Variants in CLASP1 observed in about 807,000 individuals in gnomAD.
CLASP1 encodes the protein CLIP-associating protein 1.
Under a neutral mutation model 192.3 loss-of-function variants are expected in CLASP1, and 38 were observed. The observed-to-expected ratio is 0.20, with a 90% CI of 0.15 to 0.26. The LOEUF (loss-of-function observed/expected upper bound fraction) is 0.26. Ranked by LOEUF, CLASP1 falls within the 10% of genes least tolerant of loss-of-function variation. The probability of loss-of-function intolerance (pLI) is 1.00; values close to 1 mark genes in which losing one functional copy is unlikely to be tolerated. For missense variants in CLASP1, 1,433 were observed against 1,932.5 expected (o/e 0.74, Z 4.85); for synonymous variants, 691 against 712.8 (o/e 0.97, Z 0.49).
intron 1 of CLASP1, among the ~76,000 whole-genome samples, chr2:121,609,014 A>G (rs2064834363): frequency 6.6e-6 from 1 of 152,250 alleles, no homozygotes; most frequent in African/African-American, 2.4e-5. Context: ...AAATTAAGAA[A>G]TTGAGGTAAA....
intron 7 of CLASP1, among the ~76,000 whole-genome samples, chr2:121,514,529 A>G (rs1439996082): frequency 6.6e-5 from 10 of 152,216 alleles, no homozygotes; most frequent in African/African-American, 2.4e-4. Context: ...AAAACAAAAA[A>G]AACTATTATC....
chr2:121,515,497 G>A (rs6711921), intron 7 of CLASP1, among the ~76,000 whole-genome samples, 168 bp downstream of exon 7: 32,014 of 151,796 alleles, frequency 0.21, 6,429 homozygotes, highest in African/African-American at 0.53. Flanking sequence ...GAATGGGAGC[G>A]GACCCCTGAT....
rs141163038 is a variant in CLASP1 at position 121,402,657 on chromosome 2, C to G, written c.2734-787G>C. ...TTATCCTCACATTCTGCTTCTGAAT[C>G]AGCAATCTAGGGGTGACAGGTAACA... is the stretch of plus-strand genomic sequence containing the variant. On this transcript the variant is annotated intron_variant, in intron 26 of 39. Coordinates refer to ENST00000263710, the Ensembl canonical transcript of CLASP1. The G allele has an allele frequency of 4.0e-5, 21 of 519,006 alleles. No homozygotes were observed. The East Asian group carries it at 1.1e-3, about 28-fold the overall frequency. 32.2% of individuals were successfully genotyped at this position (519,006 alleles called of 1,614,324 possible). A position where few individuals can be genotyped will look rare whatever the true frequency, so the allele number is the denominator to read the frequency against.
intron 26 of CLASP1, chr2:121,403,583 TCTATC>T (rs2076451452): frequency 1.8e-5 from 8 of 442,976 alleles, no homozygotes; most frequent in Non-Finnish European, 3.6e-5. Flanking sequence ...CATTTAAGGT[TCTATC>T]CATTTCCACA....
chr2:121,478,998 A>C, intron 8 of CLASP1, among the ~76,000 whole-genome samples: 1 of 67,910 alleles, frequency 1.5e-5, no homozygotes, highest in South Asian at 5.2e-4. Flanking sequence ...CACCCCACAC[A>C]CACACCACAC....
chr2:121,486,474 C>T (rs929595531), intron 8 of CLASP1, among the ~76,000 whole-genome samples: 3 of 152,064 alleles, frequency 2.0e-5, no homozygotes, highest in Non-Finnish European at 4.4e-5. Flanking sequence ...GTTCATTTCT[C>T]CCTTTGATCA....
chr2:121,601,735 G>A (rs1474176867), intron 2 of CLASP1, among the ~76,000 whole-genome samples: 1 of 152,176 alleles, frequency 6.6e-6, no homozygotes, highest in East Asian at 1.9e-4. Context: ...CAGATGACAT[G>A]ATCTTATATA....
intron 35 of CLASP1, among the ~76,000 whole-genome samples, chr2:121,367,177 G>A (rs560571042): frequency 1.3e-5 from 2 of 152,300 alleles, no homozygotes; most frequent in South Asian, 2.1e-4. Context: ...TCCACAGCTC[G>A]GGGAGCTGGG....
chr2:121,643,972 A>T (rs1231992346), intron 1 of CLASP1, among the ~76,000 whole-genome samples: 2 of 152,184 alleles, frequency 1.3e-5, no homozygotes, highest in Admixed American at 1.3e-4. Flanking sequence ...CAAGGTCCCA[A>T]AGAGATTCCA....
At chr2:121,647,265 G>A (rs1030355991) in intron 1 of CLASP1, among the ~76,000 whole-genome samples, 4 of 152,078 alleles carry the variant, frequency 2.6e-5, no homozygotes, top group African/African-American at 7.2e-5. Context: ...CTACTCAGGC[G>A]GCTGAGGCAG....
intron 8 of CLASP1, among the ~76,000 whole-genome samples, chr2:121,480,897 C>A (rs905968510): frequency 6.6e-6 from 1 of 152,198 alleles, no homozygotes; most frequent in Admixed American, 6.5e-5. Context: ...ATGGCAGTGC[C>A]TGCCTAAGAG....
chr2:121,518,128 G>A (rs1559496646), intron 6 of CLASP1, among the ~76,000 whole-genome samples: 1 of 150,398 alleles, frequency 6.6e-6, no homozygotes, highest in East Asian at 2.0e-4. Context: ...CTACTTGGGA[G>A]GCTGAGGTAG....
intron 8 of CLASP1, among the ~76,000 whole-genome samples, chr2:121,485,656 G>C (rs997877557): frequency 7.2e-5 from 11 of 152,062 alleles, no homozygotes; most frequent in African/African-American, 2.7e-4. Flanking sequence ...TTGAGGTCAG[G>C]AGTTTGAGAC....
intron 8 of CLASP1, among the ~76,000 whole-genome samples, chr2:121,486,960 T>C (rs1343007246): frequency 6.6e-6 from 1 of 152,178 alleles, no homozygotes; most frequent in Non-Finnish European, 1.5e-5. Flanking sequence ...CCTACCTGAA[T>C]CAAACTCACG....
chr2:121,395,419 C>A (rs1490960213), intron 30 of CLASP1, among the ~76,000 whole-genome samples: 2 of 152,142 alleles, frequency 1.3e-5, no homozygotes, highest in Non-Finnish European at 2.9e-5. Flanking sequence ...TTCATTAATT[C>A]ATTCAAAACA....
chr2:121,430,884 C>G (rs191991705), intron 19 of CLASP1, among the ~76,000 whole-genome samples: 22 of 150,636 alleles, frequency 1.5e-4, no homozygotes, highest in Admixed American at 7.9e-4. Context: ...AAAATTACAG[C>G]AATTATTGAA....
rs1559367042 is a variant in CLASP1 at position 121,478,783 on chromosome 2, CCCACACACA to C, written c.713-8832_713-8824del. On this transcript the variant is annotated intron_variant, in intron 8 of 39. Transcript: ENST00000263710. ...CACACCACACACCCCACACACACAC[CCCACACACA>C]CCACACACCACACACACACCCCACA... Among the ~76,000 whole-genome samples, 6 of 33,580 alleles carry C rather than the reference CCCACACACA, an allele frequency of 1.8e-4. No individual in the cohort carries two copies. In the East Asian group the frequency reaches 2.5e-3, roughly 14 times the overall value. The allele number at this position is 33,580 out of a possible 152,430, so 22.0% of individuals were successfully genotyped here.
chr2:121,402,448 A>G (rs1168100626), intron 26 of CLASP1: 1 of 406,704 alleles, frequency 2.5e-6, no homozygotes, highest in African/African-American at 2.1e-5. Context: ...CACAAACCCT[A>G]TACCGCCTCA....
At chr2:121,601,588 A>G (rs576231353) in intron 2 of CLASP1, among the ~76,000 whole-genome samples, 1 of 152,074 alleles carries the variant, frequency 6.6e-6, no homozygotes, top group African/African-American at 2.4e-5. Context: ...GCTTTTAAGA[A>G]CTAGAACAGT....
Sources: gnomAD v4.1 joint callset for allele counts (sites outside exome capture counted in the v4.1 genomes callset) on GRCh38, gnomAD v4.1.1 for gene constraint, MANE v1.5 for transcripts, NCBI Gene and HGNC (gene_info 2026-07-23, HGNC 2026-07-21) for gene names.